RNFT2: variants seen among roughly 807,000 people sequenced by gnomAD.
RNFT2 encodes the protein ring finger protein, transmembrane 2, also known as E3 ubiquitin-protein ligase RNFT2.
In RNFT2, 36 loss-of-function variants were observed where a neutral mutation model predicts 53.0. That is an observed-to-expected ratio of 0.68 (90% CI 0.52 to 0.90). The LOEUF is 0.90. RNFT2 is among the 40% of genes least tolerant of loss of function. The pLI, the probability that RNFT2 is intolerant of heterozygous loss-of-function variation, is 0.00. For synonymous variants in RNFT2, 260 were observed against 253.2 expected (o/e 1.03, Z -0.26); for missense variants, 514 against 585.6 (o/e 0.88, Z 1.26).
intron 6 of RNFT2, among the ~76,000 whole-genome samples, chr12:116,774,094 A>ACTTCAT (rs1873315231): frequency 6.6e-6 from 1 of 152,250 alleles, no homozygotes; most frequent in Non-Finnish European, 1.5e-5. Flanking sequence ...TACCTAAAGT[A>ACTTCAT]GTCAGATTTA....
chr12:116,788,042 C>T (rs1287352645), intron 7 of RNFT2, among the ~76,000 whole-genome samples: 2 of 152,222 alleles, frequency 1.3e-5, no homozygotes, highest in Admixed American at 1.3e-4. Flanking sequence ...ATTCTCCTGC[C>T]TCAGCCTCCC....
At chr12:116,765,458 G>A (rs1162258978) in intron 5 of RNFT2, among the ~76,000 whole-genome samples, 1 of 152,134 alleles carries the variant, frequency 6.6e-6, no homozygotes, top group Non-Finnish European at 1.5e-5. Context: ...TGTGTATTGA[G>A]CATTTACCGA....
At chr12:116,791,859 T>C in intron 7 of RNFT2, among the ~76,000 whole-genome samples, 1 of 152,186 alleles carries the variant, frequency 6.6e-6, no homozygotes, top group East Asian at 1.9e-4. Context: ...CTTCCCACAG[T>C]GCCTGCACCA....
intron 2 of RNFT2, chr12:116,740,816 T>C: frequency 1.6e-6 from 1 of 625,234 alleles, no homozygotes; most frequent in Non-Finnish European, 2.9e-6. Context: ...AGTCTCATCG[T>C]CCTCCTCTGT....
chr12:116,815,241 C>T (rs1414137559), intron 7 of RNFT2, among the ~76,000 whole-genome samples: 1 of 152,214 alleles, frequency 6.6e-6, no homozygotes, highest in East Asian at 1.9e-4. Context: ...CCAGCCATGC[C>T]ATCCTGACAC....
At chr12:116,789,868 G>T (rs938959668) in intron 7 of RNFT2, among the ~76,000 whole-genome samples, 1 of 135,838 alleles carries the variant, frequency 7.4e-6, no homozygotes, top group Admixed American at 7.4e-5. Context: ...TGGATAGATG[G>T]GTGGATGGGT....
At chr12:116,829,652 C>T (rs1048249042) in intron 7 of RNFT2, among the ~76,000 whole-genome samples, 2 of 152,160 alleles carry the variant, frequency 1.3e-5, no homozygotes, top group African/African-American at 2.4e-5. Context: ...GCCACGCATA[C>T]GATGTAATCT....
intron 7 of RNFT2, among the ~76,000 whole-genome samples, chr12:116,779,866 G>C (rs915546734): frequency 2.0e-5 from 3 of 152,296 alleles, no homozygotes; most frequent in Admixed American, 6.5e-5. Flanking sequence ...CCTCCAGGCA[G>C]GTGTTGGAAT....
Position 116,740,373 on chromosome 12 carries a change from C to G in RNFT2, c.-125C>G. ...TGGAGTCTCTGGCAAGCTCCCCTGA[C>G]TGTGCATCCCTCTGGAGACGAAGAG... On this transcript the variant is annotated 5_prime_UTR_variant, in exon 2 of 11. Coordinates refer to ENST00000257575, the MANE Select transcript of RNFT2 (RefSeq NM_001382266.1). 1.1e-6 allele frequency: 1 copy of G among 899,170 alleles called. No homozygotes were observed. Among genetic ancestry groups the G allele is most frequent in the East Asian group, 2.7e-5 (1 of 37,260 alleles). 55.7% of individuals were successfully genotyped at this position (899,170 alleles called of 1,614,324 possible). A position where few individuals can be genotyped will look rare whatever the true frequency, so the allele number is the denominator to read the frequency against.
At chr12:116,741,741 T>C (rs1290615976) in intron 3 of RNFT2, among the ~76,000 whole-genome samples, 4 of 152,108 alleles carry the variant, frequency 2.6e-5, no homozygotes, top group Admixed American at 2.6e-4. Flanking sequence ...CTCCAAATCC[T>C]AGGCTCAAGC....
intron 7 of RNFT2, among the ~76,000 whole-genome samples, chr12:116,794,090 C>A (rs1874370184): frequency 6.6e-6 from 1 of 151,680 alleles, no homozygotes; most frequent in South Asian, 2.1e-4. Flanking sequence ...CAAAGTGAGA[C>A]CCTGTCTCTA....
intron 10 of RNFT2, 37 bp from the exon 11 acceptor site, chr12:116,849,277 A>G (rs1343775399): frequency 4.9e-5 from 73 of 1,486,646 alleles, no homozygotes; most frequent in Non-Finnish European, 6.5e-5. Flanking sequence ...GACGCTCAGT[A>G]AAGAGTCCTG....
At position 116,741,119 on chromosome 12, in the gene RNFT2, T is replaced by G. The variant is rs762179996; in HGVS notation, c.83+25T>G. 4 of 1,595,360 alleles carry G rather than the reference T, an allele frequency of 2.5e-6. No individual in the cohort carries two copies. The Admixed American group carries it at 5.2e-5, about 21-fold the overall frequency. The stretch of plus-strand genomic sequence containing the variant: ...GGTAGGCATCCCTGCTTCTGTTCCA[T>G]CTGAGGGCTCTAGGCTTCGGGTGGT... On this transcript the variant is annotated intron_variant, in intron 3 of 10. Transcript: ENST00000257575.
At chr12:116,818,916 G>A (rs552983457) in intron 7 of RNFT2, among the ~76,000 whole-genome samples, 2 of 152,354 alleles carry the variant, frequency 1.3e-5, no homozygotes, top group South Asian at 4.1e-4. Flanking sequence ...GAGGAACTGG[G>A]GTAAAGGTGC....
rs1464163529 is a variant in RNFT2 at position 116,750,869 on chromosome 12, A to G, written c.550+562A>G. ...TATATATAATATATATTATATATAT[A>G]TAATATATATATTATATATATAATA... On this transcript the variant is annotated intron_variant, in intron 4 of 10. Coordinates refer to ENST00000257575, the MANE Select transcript of RNFT2 (RefSeq NM_001382266.1). Among the ~76,000 whole-genome samples, 7 of 2,020 alleles carry G rather than the reference A, an allele frequency of 3.5e-3. No individual in the cohort carries two copies. In the South Asian group the frequency reaches 0.13, roughly 38 times the overall value. The allele number at this position is 2,020 out of a possible 152,430, so 1.3% of individuals were successfully genotyped here. A position where few individuals can be genotyped will look rare whatever the true frequency, so the allele number is the denominator to read the frequency against.
intron 5 of RNFT2, among the ~76,000 whole-genome samples, chr12:116,758,961 G>A (rs995707137): frequency 6.6e-5 from 10 of 152,128 alleles, no homozygotes; most frequent in African/African-American, 2.4e-4. Context: ...TGTTTTCCAA[G>A]CTTTCAGAAT....
In RNFT2 at chr12:116,852,419, G is replaced by C. The variant is rs1439226541; in HGVS notation, c.*2971G>C. ...ATCCCTGGCTCTCTCCTGGTACCCA[G>C]CAAGACGTCTGTTCCAGGGCAGTGT... is the stretch of plus-strand genomic sequence containing the variant. On this transcript the variant is annotated 3_prime_UTR_variant, in exon 11 of 11. Transcript: ENST00000257575. The C allele has an allele frequency of 5.1e-6, 7 of 1,369,980 alleles. No individual in the cohort carries two copies. The highest frequency in any genetic ancestry group is 1.6e-5 in the South Asian group (1 of 61,980). 84.9% of individuals were successfully genotyped at this position (1,369,980 alleles called of 1,614,324 possible).
intron 7 of RNFT2, among the ~76,000 whole-genome samples, chr12:116,824,851 G>A (rs762289496): frequency 3.9e-5 from 6 of 152,174 alleles, no homozygotes; most frequent in Non-Finnish European, 5.9e-5. Flanking sequence ...AGGGATTAGG[G>A]CTTCAACAAA....
intron 10 of RNFT2, among the ~76,000 whole-genome samples, chr12:116,844,341 A>G (rs1348110499): frequency 6.6e-6 from 1 of 152,140 alleles, no homozygotes; most frequent in African/African-American, 2.4e-5. Flanking sequence ...GGTTCAAGCA[A>G]TTCTCCTGCC....
Sources: gnomAD v4.1 joint callset for allele counts (sites outside exome capture counted in the v4.1 genomes callset) on GRCh38, gnomAD v4.1.1 for gene constraint, MANE v1.5 for transcripts, NCBI Gene and HGNC (gene_info 2026-07-23, HGNC 2026-07-21) for gene names.